GALNTL6: variants seen among roughly 807,000 people sequenced by gnomAD.
The protein encoded by GALNTL6 is polypeptide N-acetylgalactosaminyltransferase-like 6.
A neutral mutation model predicts 73.7 loss-of-function variants in GALNTL6; 46 were observed. The observed-to-expected ratio is 0.62, with a 90% CI of 0.49 to 0.80. GALNTL6 has a LOEUF of 0.80. GALNTL6 is among the 30% of genes least tolerant of loss of function. The pLI, the probability that GALNTL6 is intolerant of heterozygous loss-of-function variation, is 0.00. For synonymous variants in GALNTL6, 259 were observed against 263.7 expected, an observed-to-expected ratio of 0.98 and a Z score of 0.17; for missense variants, 604 against 755.0, an observed-to-expected ratio of 0.80 and a Z score of 2.34.
chr4:172,808,272 C>T (rs536420439), intron 5 of GALNTL6, among the ~76,000 whole-genome samples: 47 of 152,354 alleles, frequency 3.1e-4, no homozygotes, highest in Non-Finnish European at 5.7e-4. Flanking sequence ...CCTCTGTGCA[C>T]GGAGAAACTC....
intron 5 of GALNTL6, among the ~76,000 whole-genome samples, chr4:172,481,424 G>A (rs1226382698): frequency 1.4e-5 from 2 of 140,888 alleles, no homozygotes; most frequent in Admixed American, 7.2e-5. Flanking sequence ...GGGGACCAGG[G>A]TTGTCTCTGT....
chr4:172,552,845 A>AAAAAAAAC (rs1553960364), intron 5 of GALNTL6, among the ~76,000 whole-genome samples: 1 of 149,892 alleles, frequency 6.7e-6, no homozygotes, highest in Non-Finnish European at 1.5e-5. Context: ...AGTAAAAAAA[A>AAAAAAAAC]AAAAAAAAAA....
intron 10 of GALNTL6, among the ~76,000 whole-genome samples, chr4:172,974,091 G>A (rs996550620): frequency 6.6e-6 from 1 of 152,138 alleles, no homozygotes; most frequent in African/African-American, 2.4e-5. Context: ...AGGTAGCTAG[G>A]TATCAGTATT....
chr4:172,722,352 G>T (rs796702689), intron 5 of GALNTL6, among the ~76,000 whole-genome samples: 7 of 152,098 alleles, frequency 4.6e-5, no homozygotes, highest in African/African-American at 1.7e-4. Context: ...TGATAACAAA[G>T]TAACACCCCT....
In GALNTL6 at chr4:172,734,580, C is replaced by T. The variant is rs748138372; in HGVS notation, c.554-74781C>T. Among the ~76,000 whole-genome samples, 64 of 152,124 alleles carry T rather than the reference C, an allele frequency of 4.2e-4. 1 individual carries two copies. Among genetic ancestry groups the T allele is most frequent in the East Asian group, 5.8e-4 (3 of 5,188 alleles). On this transcript the variant is annotated intron_variant, in intron 5 of 12. Coordinates refer to ENST00000506823, the MANE Select transcript of GALNTL6 (RefSeq NM_001034845.3). ...ATGTCTCACATCCAGGTCACACTGC[C>T]GCAAGAGGTGGGTTTTTACAGTCTT... is the stretch of plus-strand genomic sequence containing the variant.
chr4:172,090,891 C>G (rs1732183601), intron 2 of GALNTL6, among the ~76,000 whole-genome samples: 1 of 152,174 alleles, frequency 6.6e-6, no homozygotes, highest in Admixed American at 6.5e-5. Flanking sequence ...ACGAATGGGT[C>G]CAGTTTCAGT....
chr4:172,794,807 C>T (rs1483760213), intron 5 of GALNTL6, among the ~76,000 whole-genome samples: 1 of 152,172 alleles, frequency 6.6e-6, no homozygotes, highest in Non-Finnish European at 1.5e-5. Flanking sequence ...TTGGTAATAA[C>T]TCCTTTTGTC....
chr4:172,438,557 C>T (rs1356144702), intron 5 of GALNTL6, among the ~76,000 whole-genome samples: 1 of 151,954 alleles, frequency 6.6e-6, no homozygotes, highest in Admixed American at 6.6e-5. Context: ...CCGTTATGAC[C>T]TTCCCTCAAT....
At chr4:172,344,293 A>G (rs1253004328) in intron 4 of GALNTL6, among the ~76,000 whole-genome samples, 1 of 152,188 alleles carries the variant, frequency 6.6e-6, no homozygotes, top group Non-Finnish European at 1.5e-5. Context: ...CACTATTTCT[A>G]GTAATACTAT....
chr4:171,900,459 C>T lies in GALNTL6; in HGVS notation c.138+85741C>T, dbSNP rs182260679. On this transcript the variant is annotated intron_variant, in intron 2 of 12. Coordinates refer to ENST00000506823, the MANE Select transcript of GALNTL6 (RefSeq NM_001034845.3). The stretch of plus-strand genomic sequence containing the variant: ...AGTAGCTGGGACTACAGGTGTGTGC[C>T]ACCACACTCGGCTAATTTTTTGTAT... 1.7e-4 allele frequency among the ~76,000 whole-genome samples: 26 copies of T among 150,450 alleles called. No homozygotes were observed. In the East Asian group the frequency reaches 3.7e-3, roughly 22 times the overall value.
At chr4:172,076,597 AC>A (rs1296224270) in intron 2 of GALNTL6, among the ~76,000 whole-genome samples, 1 of 152,218 alleles carries the variant, frequency 6.6e-6, no homozygotes, top group African/African-American at 2.4e-5. Flanking sequence ...TAATTGCAAG[AC>A]ATGTGAGACA....
chr4:172,674,136 G>GT (rs1732146167), intron 5 of GALNTL6, among the ~76,000 whole-genome samples: 3 of 152,138 alleles, frequency 2.0e-5, no homozygotes, highest in Non-Finnish European at 2.9e-5. Flanking sequence ...GCTTCCTTCA[G>GT]TAGCTCCTGT....
intron 5 of GALNTL6, among the ~76,000 whole-genome samples, chr4:172,665,998 A>T (rs1161503131): frequency 6.6e-6 from 1 of 151,940 alleles, no homozygotes; most frequent in East Asian, 1.9e-4. Flanking sequence ...TATTTTGCTG[A>T]TCTGGAATTT....
At chr4:172,530,691 T>G (rs1296194101) in intron 5 of GALNTL6, among the ~76,000 whole-genome samples, 1 of 152,234 alleles carries the variant, frequency 6.6e-6, no homozygotes, top group Non-Finnish European at 1.5e-5. Flanking sequence ...ATGTGAATGA[T>G]CTTATATTTG....
intron 7 of GALNTL6, among the ~76,000 whole-genome samples, chr4:172,848,955 A>G (rs1004299733): frequency 7.2e-5 from 11 of 152,126 alleles, no homozygotes; most frequent in Non-Finnish European, 1.6e-4. Context: ...GCCAGTGAGA[A>G]TCTTCATCAT....
chr4:171,967,860 T>C (rs1739435757), intron 2 of GALNTL6, among the ~76,000 whole-genome samples: 1 of 152,164 alleles, frequency 6.6e-6, no homozygotes, highest in South Asian at 2.1e-4. Flanking sequence ...CTTCTCATTC[T>C]GGGTGGGAAT....
chr4:171,921,677 T>C (rs1016918831), intron 2 of GALNTL6, among the ~76,000 whole-genome samples: 1 of 152,098 alleles, frequency 6.6e-6, no homozygotes, highest in Non-Finnish European at 1.5e-5. Context: ...CAATTTTTAT[T>C]GCAAATTATT....
At chr4:172,923,019 A>G (rs933431978) in intron 8 of GALNTL6, among the ~76,000 whole-genome samples, 1 of 152,200 alleles carries the variant, frequency 6.6e-6, no homozygotes, top group African/African-American at 2.4e-5. Context: ...ATAAGCAGAG[A>G]GGAGGGGAAA....
At chr4:172,434,489 G>A (rs975278746) in intron 5 of GALNTL6, among the ~76,000 whole-genome samples, 2 of 152,150 alleles carry the variant, frequency 1.3e-5, no homozygotes, top group Admixed American at 6.6e-5. Flanking sequence ...AACTCAAAAT[G>A]TGTGGGTATG....
Sources: allele counts gnomAD v4.1 joint callset (sites outside exome capture counted in the v4.1 genomes callset), GRCh38; gene constraint gnomAD v4.1.1; transcripts MANE v1.5; gene names NCBI Gene and HGNC (gene_info 2026-07-23, HGNC 2026-07-21).